RARB: variants seen among roughly 807,000 people sequenced by gnomAD.
The protein encoded by RARB is retinoic acid receptor beta, also known as HBV-activated protein.
In RARB, 17 loss-of-function variants were observed where a neutral mutation model predicts 51.9. That is an observed-to-expected ratio of 0.33 (90% confidence interval 0.22 to 0.49). RARB has a LOEUF of 0.49. RARB is among the 20% of genes least tolerant of loss of function. RARB has a pLI of 0.99. For synonymous variants in RARB, 215 were observed against 195.4 expected (o/e 1.10, Z -0.84); for missense variants, 369 against 550.8 (o/e 0.67, Z 3.30).
intron 5 of RARB, among the ~76,000 whole-genome samples, chr3:25,400,557 T>A (rs192255146): frequency 6.6e-6 from 1 of 152,294 alleles, no homozygotes; most frequent in Admixed American, 6.5e-5. Flanking sequence ...AGTCTTGAAC[T>A]AAATATTTAA....
chr3:25,177,905 T>A (rs192634721), intron 5 of RARB, among the ~76,000 whole-genome samples: 1 of 152,198 alleles, frequency 6.6e-6, no homozygotes, highest in African/African-American at 2.4e-5. Flanking sequence ...CTTTTAAGAA[T>A]GAAGTCGAAG....
At chr3:25,461,113 A>G in intron 1 of RARB, 80 bp from the exon 2 acceptor site, 1 of 1,452,752 alleles carries the variant, frequency 6.9e-7, no homozygotes, top group South Asian at 1.4e-5. Context: ...GGGCAGAAGC[A>G]TATGAATTCA....
intron 1 of RARB, among the ~76,000 whole-genome samples, chr3:24,858,144 G>C (rs972060949): frequency 6.6e-6 from 1 of 152,120 alleles, no homozygotes; most frequent in Non-Finnish European, 1.5e-5. Flanking sequence ...AATTGCTGAC[G>C]TAGTAATTGG....
chr3:25,568,072 G>A (rs1358189883), intron 3 of RARB, among the ~76,000 whole-genome samples: 7 of 152,158 alleles, frequency 4.6e-5, no homozygotes, highest in African/African-American at 9.7e-5. Context: ...CAGAGGTCTC[G>A]AGGGGCCAGT....
chr3:25,380,621 A>T (rs1192327592), intron 5 of RARB, among the ~76,000 whole-genome samples: 1 of 152,212 alleles, frequency 6.6e-6, no homozygotes, highest in Non-Finnish European at 1.5e-5. Context: ...CCAGGATTTG[A>T]GTGGCCAGAG....
intron 5 of RARB, chr3:25,260,082 C>T (rs1702960082): frequency 1.3e-6 from 1 of 766,908 alleles, no homozygotes; most frequent in South Asian, 5.9e-5. Context: ...GGCACAAGGC[C>T]CAGATGAGTT....
At chr3:25,193,480 T>C (rs1701153143) in intron 5 of RARB, among the ~76,000 whole-genome samples, 1 of 152,072 alleles carries the variant, frequency 6.6e-6, no homozygotes, top group Non-Finnish European at 1.5e-5. Flanking sequence ...GTACCCATGA[T>C]CTGATTGTGC....
intron 5 of RARB, among the ~76,000 whole-genome samples, chr3:25,207,568 A>G (rs749985719): frequency 1.4e-4 from 21 of 152,164 alleles, no homozygotes; most frequent in Non-Finnish European, 2.6e-4. Flanking sequence ...AAATGCCAGT[A>G]TTTCCCTTCC....
At chr3:25,514,489 C>T (rs1026188106) in intron 3 of RARB, among the ~76,000 whole-genome samples, 44 of 151,680 alleles carry the variant, frequency 2.9e-4, no homozygotes, top group Non-Finnish European at 4.7e-4. Context: ...TTTTACCAAG[C>T]GTAAAATACC....
At chr3:25,332,937 G>A (rs944989471) in intron 5 of RARB, among the ~76,000 whole-genome samples, 1 of 152,096 alleles carries the variant, frequency 6.6e-6, no homozygotes, top group African/African-American at 2.4e-5. Flanking sequence ...TTGCTTCAAA[G>A]AGAATAAAAT....
chr3:25,560,423 T>A (rs1575519802), intron 3 of RARB, among the ~76,000 whole-genome samples: 1 of 152,222 alleles, frequency 6.6e-6, no homozygotes, highest in African/African-American at 2.4e-5. Flanking sequence ...AAGCCATTTG[T>A]CTATCTCTCT....
chr3:25,257,933 TTCA>T (rs1259757704), intron 5 of RARB, among the ~76,000 whole-genome samples: 1 of 152,142 alleles, frequency 6.6e-6, no homozygotes, highest in East Asian at 1.9e-4. Context: ...GTTGAGCCCC[TTCA>T]TCATTTGTAT....
Position 25,428,698 on chromosome 3 carries a change from A to AGCACTTTT in RARB, c.-30_-23dup. 1 of 1,587,514 alleles carries AGCACTTTT rather than the reference A, an allele frequency of 6.3e-7. No homozygotes were observed. The highest frequency in any genetic ancestry group is 2.3e-5 in the East Asian group (1 of 44,206). ...CATTTGCCTCCACACCTAGAGGATAAGCACTTTTGCAGACATTCAGTGCAA... is the reference window on the plus strand; with the variant it reads ...CATTTGCCTCCACACCTAGAGGATAAGCACTTTTGCACTTTTGCAGACATTCAGTGCAA... On this transcript the variant is annotated 5_prime_UTR_variant, in exon 1 of 8. Coordinates refer to ENST00000330688, the MANE Select transcript of RARB (RefSeq NM_000965.5).
chr3:25,294,489 A>C (rs1160776217), intron 5 of RARB, among the ~76,000 whole-genome samples: 2 of 152,208 alleles, frequency 1.3e-5, no homozygotes, highest in African/African-American at 4.8e-5. Flanking sequence ...CTAAAAGAGG[A>C]AACTGCAGAA....
chr3:24,985,799 ATGTC>A (rs1372930809), intron 2 of RARB, among the ~76,000 whole-genome samples: 1 of 152,220 alleles, frequency 6.6e-6, no homozygotes, highest in Non-Finnish European at 1.5e-5. Flanking sequence ...TTAGATAGAT[ATGTC>A]ACTGCGCTGA....
intron 1 of RARB, among the ~76,000 whole-genome samples, chr3:24,846,814 A>G (rs557711377): frequency 6.6e-6 from 1 of 152,070 alleles, no homozygotes; most frequent in East Asian, 1.9e-4. Flanking sequence ...CTTATTAACA[A>G]TTAATCTGTG....
chr3:25,091,513 C>T (rs1264221658), intron 3 of RARB, among the ~76,000 whole-genome samples: 1 of 152,148 alleles, frequency 6.6e-6, no homozygotes, highest in African/African-American at 2.4e-5. Flanking sequence ...CTACGGAATC[C>T]ACCATCTGTT....
Position 25,370,075 on chromosome 3 carries a change from G to A in RARB, c.179-91118G>A, listed in dbSNP as rs186868926. Among the ~76,000 whole-genome samples the A allele has an allele frequency of 1.7e-3, 256 of 152,190 alleles. 2 individuals carry two copies. Among genetic ancestry groups the A allele is most frequent in the African/African-American group, 5.6e-3 (234 of 41,550 alleles). On this transcript the variant is annotated intron_variant, in intron 5 of 11. Transcript: ENST00000383772. ...CTATGTATACATTTACAGAGAGAGT[G>A]TGTCATGTATGTGTGTATGCATATA...
chr3:25,423,668 T>C (rs1707917228), upstream of RARB, among the ~76,000 whole-genome samples: 1 of 152,210 alleles, frequency 6.6e-6, no homozygotes. Context: ...TTTATGAGCA[T>C]GTATTACTTA....
Sources: allele counts gnomAD v4.1 joint callset (sites outside exome capture counted in the v4.1 genomes callset), GRCh38; gene constraint gnomAD v4.1.1; transcripts MANE v1.5; gene names NCBI Gene and HGNC (gene_info 2026-07-23, HGNC 2026-07-21).